SLC27A4: variants seen among roughly 807,000 people sequenced by gnomAD.
SLC27A4 encodes long-chain fatty acid transport protein 4.
In SLC27A4, 33 loss-of-function variants were observed where a neutral mutation model predicts 64.4. The observed-to-expected ratio is 0.51, with a 90% CI of 0.39 to 0.68. The LOEUF (loss-of-function observed/expected upper bound fraction) is 0.68, where lower values mean the gene tolerates loss of function less well. SLC27A4 is among the 30% of genes least tolerant of loss of function. The probability of loss-of-function intolerance (pLI) is 0.00; values close to 1 mark genes in which losing one functional copy is unlikely to be tolerated. For synonymous variants in SLC27A4, 377 were observed against 370.0 expected, an observed-to-expected ratio of 1.02 and a Z score of -0.22; for missense variants, 824 against 883.5, an observed-to-expected ratio of 0.93 and a Z score of 0.85.
chr9:128,343,369 C>G, intron 2 of SLC27A4, 76 bp downstream of exon 2: 3 of 1,559,056 alleles, frequency 1.9e-6, no homozygotes, highest in Non-Finnish European at 2.6e-6. Flanking sequence ...CTCCCCAGGC[C>G]AGACCTCATG....
intron 1 of SLC27A4, 69 bp downstream of exon 1, chr9:128,340,907 G>A (rs1346171423): frequency 5.6e-6 from 3 of 533,048 alleles, no homozygotes; most frequent in Non-Finnish European, 1.0e-5. Context: ...GCGAGGTGGC[G>A]GTGCGGACCC....
At position 128,353,965 on chromosome 9, in the gene SLC27A4, G is replaced by C. The variant is rs189591019; in HGVS notation, c.1324+424G>C. 9.3e-3 allele frequency among the ~76,000 whole-genome samples: 1,409 copies of C among 151,158 alleles called. 5 individuals are homozygous for C. Among genetic ancestry groups the C allele is most frequent in the Non-Finnish European group, 0.017 (1,134 of 67,898 alleles). On this transcript the variant is annotated intron_variant, in intron 9 of 12. Coordinates refer to ENST00000300456, the MANE Select transcript of SLC27A4 (RefSeq NM_005094.4). The surrounding 1 kb of genome is among the most constrained non-coding windows in gnomAD (Gnocchi z 4.9). ...TCACCGTTTTAGCCGGGATGGTCTCGATCTCCTGACCTCGTGATCCGCCCG... is the reference window on the plus strand; with the variant it reads ...TCACCGTTTTAGCCGGGATGGTCTCCATCTCCTGACCTCGTGATCCGCCCG...
intron 3 of SLC27A4, among the ~76,000 whole-genome samples, chr9:128,348,031 G>C (rs1049197787): frequency 6.6e-6 from 1 of 152,156 alleles, no homozygotes; most frequent in Non-Finnish European, 1.5e-5. Flanking sequence ...CCGGGGGTGG[G>C]GGTTATGTGA....
At chr9:128,342,561 A>G (rs1832592130) in intron 1 of SLC27A4, 2 of 615,444 alleles carry the variant, frequency 3.2e-6, no homozygotes, top group Non-Finnish European at 5.6e-6. Flanking sequence ...TCTGGCTGGC[A>G]GGGAAGGAAA....
intron 7 of SLC27A4, 137 bp from the exon 8 acceptor site, chr9:128,352,888 T>A (rs1253608233): frequency 9.4e-7 from 1 of 1,066,722 alleles, no homozygotes; most frequent in Admixed American, 2.0e-5. Flanking sequence ...ATTGTTCAGA[T>A]GGGAAGGCTG....
rs762769153 is a variant in SLC27A4 at position 128,353,037 on chromosome 9, A to C, written c.1000A>C (p.Ile334Leu). Residue 334 changes from isoleucine (I) to leucine (L), a missense_variant, in exon 8 of 13, where the codon ATT becomes CTT. By Grantham distance (5) the Ile-to-Leu change is conservative. Transcript: ENST00000300456. The surrounding 1 kb of genome is among the most constrained non-coding windows in gnomAD (Gnocchi z 4.9). ...IKYNCTIVQY[I>L]GELCRYLLNQ... ...AGTTCACCCCCAGATTGTGCAGTAC[A>C]TTGGTGAACTGTGCCGCTACCTCCT... is the stretch of plus-strand genomic sequence containing the variant. 4 of 1,613,648 alleles carry C rather than the reference A, an allele frequency of 2.5e-6. No individual in the cohort carries two copies. The highest frequency in any genetic ancestry group is 2.2e-5 in the South Asian group (2 of 91,004).
chr9:128,341,988 C>T (rs1045908770), intron 1 of SLC27A4, among the ~76,000 whole-genome samples: 10 of 152,216 alleles, frequency 6.6e-5, no homozygotes, highest in South Asian at 2.1e-4. Flanking sequence ...CCGCCTGCCT[C>T]GGCCTCCCAA....
At chr9:128,358,519 C>T (rs564704895) in intron 12 of SLC27A4, among the ~76,000 whole-genome samples, 127 of 152,392 alleles carry the variant, frequency 8.3e-4, no homozygotes, top group Middle Eastern at 3.4e-3. Flanking sequence ...TCTCAGCTCA[C>T]TGCAACCTTT....
At chr9:128,358,260 C>A (rs370003494) in intron 12 of SLC27A4, among the ~76,000 whole-genome samples, 169 of 152,254 alleles carry the variant, frequency 1.1e-3, no homozygotes, top group Middle Eastern at 3.4e-3. Context: ...CGGCTGCTTA[C>A]CTCTGCAGCA....
intron 6 of SLC27A4, among the ~76,000 whole-genome samples, chr9:128,352,094 A>G (rs1167904662): frequency 6.6e-6 from 1 of 150,704 alleles, no homozygotes; most frequent in Non-Finnish European, 1.5e-5. Flanking sequence ...ACTCGGGAGG[A>G]TGATGCAGGA....
At chr9:128,342,211 C>T (rs765583001) in intron 1 of SLC27A4, 2 of 1,596,498 alleles carry the variant, frequency 1.3e-6, no homozygotes, top group South Asian at 2.2e-5. Context: ...GCATGCCTCG[C>T]TCCGCTTTTC....
intron 12 of SLC27A4, among the ~76,000 whole-genome samples, chr9:128,359,000 A>G (rs1035790132): frequency 2.6e-5 from 4 of 152,234 alleles, no homozygotes; most frequent in Non-Finnish European, 5.9e-5. Context: ...AAGCCAGTCC[A>G]GATTGAGGCC....
At chr9:128,359,607 A>G (rs1201657905) in intron 12 of SLC27A4, among the ~76,000 whole-genome samples, 1 of 152,148 alleles carries the variant, frequency 6.6e-6, no homozygotes, top group East Asian at 1.9e-4. Context: ...CCCCGGTGAC[A>G]GTGCAGGACT....
At chr9:128,360,290 T>C in intron 12 of SLC27A4, 44 bp from the exon 13 acceptor site, 1 of 1,612,046 alleles carries the variant, frequency 6.2e-7, no homozygotes, top group Non-Finnish European at 8.5e-7. Context: ...AGCTGGGAGC[T>C]CGGGCCCCTG....
chr9:128,348,875 G>A (rs544793245), intron 4 of SLC27A4, among the ~76,000 whole-genome samples, 172 bp downstream of exon 4: 3 of 152,202 alleles, frequency 2.0e-5, no homozygotes, highest in Admixed American at 1.3e-4. Context: ...GCCACTCCAG[G>A]GTTACTGTGA....
At chr9:128,360,223 C>A in intron 12 of SLC27A4, 111 bp from the exon 13 acceptor site, 1 of 1,227,484 alleles carries the variant, frequency 8.1e-7, no homozygotes, top group Non-Finnish European at 1.2e-6. Context: ...CCCCACTTCC[C>A]TCCCCTGTTT....
intron 2 of SLC27A4, among the ~76,000 whole-genome samples, chr9:128,344,235 G>GAAGGCACAGCATCAGCAACAAA (rs1255320964): frequency 6.6e-6 from 1 of 152,048 alleles, no homozygotes; most frequent in East Asian, 1.9e-4. Context: ...ATGGAGTCCA[G>GAAGGCACAGCATCAGCAACAAA]GGCTGGGCGC....
intron 11 of SLC27A4, 33 bp downstream of exon 11, chr9:128,355,595 G>C: frequency 1.2e-6 from 2 of 1,607,398 alleles, no homozygotes; most frequent in Non-Finnish European, 1.7e-6. Flanking sequence ...TGTGGGTAGG[G>C]AGGCACCACC....
rs369259655 is a variant in SLC27A4, at chr9:128,350,499, T to C, written c.801T>C (p.Ala267=). Residue 267 remains alanine, a synonymous_variant, in exon 6 of 13, where the codon GCT becomes GCC. Coordinates refer to ENST00000300456, the MANE Select transcript of SLC27A4 (RefSeq NM_005094.4). ...GCCTTCCCAGGTATTACCGCATGGCTGCCCTGGTGTACTATGGATTCCGCA... is the reference window on the plus strand; with the variant it reads ...GCCTTCCCAGGTATTACCGCATGGCCGCCCTGGTGTACTATGGATTCCGCA... ...IVVHSRYYRM[A]ALVYYGFRMR... 5 of 1,613,980 alleles carry C rather than the reference T, an allele frequency of 3.1e-6. No homozygotes were observed. In the African/African-American group the frequency reaches 6.7e-5, roughly 22 times the overall value.
Sources: gnomAD v4.1 joint callset for allele counts (sites outside exome capture counted in the v4.1 genomes callset) on GRCh38, gnomAD v4.1.1 for gene constraint, Gnocchi (gnomAD v3.1) non-coding constraint, MANE v1.5 for transcripts, NCBI Gene and HGNC (gene_info 2026-07-23, HGNC 2026-07-21) for gene names.